SAMMSON: variants seen among roughly 807,000 people sequenced by gnomAD.
SAMMSON encodes the protein survival associated mitochondrial melanoma specific oncogenic non-coding RNA.
At chr3:70,261,675 G>T (rs752667038) in intron 6 of SAMMSON, among the ~76,000 whole-genome samples, 11 of 152,050 alleles carry the variant, frequency 7.2e-5, no homozygotes, top group Non-Finnish European at 1.6e-4. Context: ...GCCTTATTTT[G>T]TTGAAAACAG....
chr3:70,167,847 A>G (rs887132434), intron 4 of SAMMSON, among the ~76,000 whole-genome samples: 2 of 151,942 alleles, frequency 1.3e-5, no homozygotes, highest in African/African-American at 4.8e-5. Context: ...TGGTCATCGC[A>G]GGTGGTGCCG....
chr3:70,381,817 G>GA lies in SAMMSON; in HGVS notation n.914-7750dup, dbSNP rs199713919. 6.0e-3 allele frequency among the ~76,000 whole-genome samples: 910 copies of GA among 151,980 alleles called. 5 individuals are homozygous for GA. Among genetic ancestry groups the GA allele is most frequent in the Middle Eastern group, 0.027 (8 of 294 alleles). On this transcript the variant is annotated intron_variant and non_coding_transcript_variant, in intron 9 of 9. Coordinates refer to ENST00000642114, the Ensembl canonical transcript of SAMMSON. ...CTTTTGGGGAGAAAAGAACAGACAG[G>GA]AAAAAAAGGAGATTTAAAAGACATC...
intron 4 of SAMMSON, among the ~76,000 whole-genome samples, chr3:70,239,859 A>G (rs1701649205): frequency 6.6e-6 from 1 of 152,140 alleles, no homozygotes; most frequent in South Asian, 2.1e-4. Context: ...TCATCAGTGA[A>G]TATTTGTTGA....
intron 2 of SAMMSON, among the ~76,000 whole-genome samples, chr3:70,408,911 G>T (rs1701196689): frequency 6.6e-6 from 1 of 152,144 alleles, no homozygotes; most frequent in Admixed American, 6.5e-5. Flanking sequence ...ATTCCACCTG[G>T]CTGGGGAAGC....
chr3:70,096,048 G>A (rs2067321990), intron 4 of SAMMSON: 1 of 152,162 alleles, frequency 6.6e-6, no homozygotes, highest in South Asian at 2.1e-4. Context: ...CAAGGTATTG[G>A]GCAAGGATAA....
At chr3:70,413,081 T>C (rs1427901589) in intron 2 of SAMMSON, among the ~76,000 whole-genome samples, 5 of 152,108 alleles carry the variant, frequency 3.3e-5, no homozygotes, top group Non-Finnish European at 5.9e-5. Flanking sequence ...TGTATTTCCT[T>C]ACTTAAGGAA....
chr3:70,043,507 T>C (rs1027288369), intron 3 of SAMMSON, among the ~76,000 whole-genome samples: 4 of 152,064 alleles, frequency 2.6e-5, no homozygotes, highest in Non-Finnish European at 2.9e-5. Flanking sequence ...GGGAACAGAA[T>C]TGTGCCACCA....
intron 7 of SAMMSON, among the ~76,000 whole-genome samples, chr3:70,353,241 A>G (rs957052912): frequency 6.6e-6 from 1 of 152,012 alleles, no homozygotes; most frequent in Non-Finnish European, 1.5e-5. Flanking sequence ...AAATAATAAA[A>G]CTTTTCTCTA....
chr3:70,174,593 T>A (rs1026727057), intron 4 of SAMMSON, among the ~76,000 whole-genome samples: 1 of 152,054 alleles, frequency 6.6e-6, no homozygotes, highest in Non-Finnish European at 1.5e-5. Context: ...TGAGAGGTAC[T>A]TCATGGTGTC....
At chr3:70,402,973 T>A (rs1701152911) in intron 2 of SAMMSON, among the ~76,000 whole-genome samples, 1 of 152,110 alleles carries the variant, frequency 6.6e-6, no homozygotes, top group African/African-American at 2.4e-5. Context: ...TAGATATATT[T>A]TCTTAATCAA....
At chr3:70,173,645 CT>C (rs1156794673) in intron 4 of SAMMSON, among the ~76,000 whole-genome samples, 1 of 151,788 alleles carries the variant, frequency 6.6e-6, no homozygotes. Flanking sequence ...ACATTTTTCC[CT>C]GAACCATTAG....
At chr3:70,396,073 T>G (rs551759324) in intron 2 of SAMMSON, among the ~76,000 whole-genome samples, 1 of 152,274 alleles carries the variant, frequency 6.6e-6, no homozygotes, top group African/African-American at 2.4e-5. Context: ...CCTTTAAAAT[T>G]TGATCTCTAG....
At chr3:70,119,333 C>T (rs1462399546) in intron 4 of SAMMSON, among the ~76,000 whole-genome samples, 1 of 152,214 alleles carries the variant, frequency 6.6e-6, no homozygotes, top group East Asian at 1.9e-4. Flanking sequence ...TCCCAAAGTG[C>T]TGGGATTACA....
chr3:70,380,092 T>C (rs1703052624), intron 9 of SAMMSON, among the ~76,000 whole-genome samples: 1 of 152,004 alleles, frequency 6.6e-6, no homozygotes, highest in Admixed American at 6.6e-5. Flanking sequence ...TTATATAAAG[T>C]GCTGGTGGCA....
At chr3:70,122,888 G>T (rs1296554566) in intron 4 of SAMMSON, among the ~76,000 whole-genome samples, 4 of 152,144 alleles carry the variant, frequency 2.6e-5, no homozygotes, top group Admixed American at 2.0e-4. Flanking sequence ...GTTCTCGAAT[G>T]TCTTCTCCAA....
chr3:70,074,707 A>G (rs2067242161), intron 4 of SAMMSON, among the ~76,000 whole-genome samples: 2 of 152,064 alleles, frequency 1.3e-5, no homozygotes, highest in African/African-American at 4.8e-5. Context: ...GAATTTAGAT[A>G]GCCTCCTCTC....
intron 4 of SAMMSON, among the ~76,000 whole-genome samples, chr3:70,077,355 G>A (rs1215474969): frequency 1.3e-5 from 2 of 152,058 alleles, no homozygotes. Context: ...AAATTGAGAT[G>A]TGCAAATTTG....
At chr3:70,084,406 C>T (rs1165394190) in intron 4 of SAMMSON, among the ~76,000 whole-genome samples, 1 of 152,200 alleles carries the variant, frequency 6.6e-6, no homozygotes, top group Admixed American at 6.5e-5. Context: ...AATCATGCAG[C>T]CTGCTTCTAC....
chr3:70,380,741 T>C (rs758626047), intron 9 of SAMMSON, among the ~76,000 whole-genome samples: 1 of 152,022 alleles, frequency 6.6e-6, no homozygotes, highest in African/African-American at 2.4e-5. Flanking sequence ...CCCCTTCCTT[T>C]GTCCAAGTGT....
Sources: allele counts gnomAD v4.1 joint callset (sites outside exome capture counted in the v4.1 genomes callset), GRCh38; gene constraint gnomAD v4.1.1; transcripts MANE v1.5; gene names NCBI Gene and HGNC (gene_info 2026-07-23, HGNC 2026-07-21).